SORL1: variants seen among roughly 807,000 people sequenced by gnomAD.
The protein encoded by SORL1 is sortilin-related receptor.
Under a neutral mutation model 273.7 loss-of-function variants are expected in SORL1, and 127 were observed. That is an observed-to-expected ratio of 0.46 (90% CI 0.40 to 0.54). The LOEUF (loss-of-function observed/expected upper bound fraction) is 0.54. Among genes scored for constraint, SORL1 ranks in the 20% least tolerant of loss-of-function variants. The pLI is 0.00. For synonymous variants in SORL1, 1,031 were observed against 1,067.4 expected, an observed-to-expected ratio of 0.97 and a Z score of 0.66; for missense variants, 2,494 against 2,846.1, an observed-to-expected ratio of 0.88 and a Z score of 2.81.
chr11:121,499,168 C>T lies in SORL1; in HGVS notation c.939+2119C>T, dbSNP rs377544887. Among the ~76,000 whole-genome samples the T allele has an allele frequency of 6.2e-4, 95 of 152,238 alleles. 1 individual carries two copies. Among genetic ancestry groups the T allele is most frequent in the African/African-American group, 2.1e-3 (86 of 41,546 alleles). ...CAATTTTTAGAAATTTGGTGGGAGACGTATTAAATTTTTGGTACTTTTATA... is the reference window on the plus strand; with the variant it reads ...CAATTTTTAGAAATTTGGTGGGAGATGTATTAAATTTTTGGTACTTTTATA... On this transcript the variant is annotated intron_variant, in intron 6 of 47. Transcript: ENST00000260197.
intron 11 of SORL1, among the ~76,000 whole-genome samples, chr11:121,527,102 G>A (rs1301848616): frequency 1.3e-5 from 2 of 152,040 alleles, no homozygotes; most frequent in Non-Finnish European, 2.9e-5. Flanking sequence ...CTCTCTGGGG[G>A]AAACAATTCA....
intron 22 of SORL1, among the ~76,000 whole-genome samples, chr11:121,568,040 A>G (rs909194214): frequency 6.6e-6 from 1 of 152,212 alleles, no homozygotes; most frequent in Non-Finnish European, 1.5e-5. Flanking sequence ...AGCTAGGACT[A>G]CAGGCACGAG....
At chr11:121,499,279 A>G (rs144669960) in intron 6 of SORL1, among the ~76,000 whole-genome samples, 148 of 152,306 alleles carry the variant, frequency 9.7e-4, no homozygotes, top group Admixed American at 5.9e-4. Context: ...CTCCTTCTGC[A>G]CATGGATGAG....
chr11:121,475,505 T>TC (rs1861251150), intron 2 of SORL1, among the ~76,000 whole-genome samples: 1 of 152,198 alleles, frequency 6.6e-6, no homozygotes, highest in South Asian at 2.1e-4. Context: ...TGGTTTTACC[T>TC]CCATGTGCAC....
At chr11:121,504,850 T>C (rs1861763919) in intron 6 of SORL1, among the ~76,000 whole-genome samples, 1 of 152,184 alleles carries the variant, frequency 6.6e-6, no homozygotes, top group Admixed American at 6.5e-5. Flanking sequence ...CTTTATCAAT[T>C]TGAGGAAGGT....
chr11:121,575,038 C>T (rs893988522), intron 24 of SORL1, among the ~76,000 whole-genome samples: 1 of 152,078 alleles, frequency 6.6e-6, no homozygotes, highest in African/African-American at 2.4e-5. Flanking sequence ...CATCTGTTTT[C>T]TGAATGGACA....
chr11:121,528,866 A>C (rs531561095), intron 11 of SORL1, among the ~76,000 whole-genome samples: 1 of 152,184 alleles, frequency 6.6e-6, no homozygotes, highest in Non-Finnish European at 1.5e-5. Context: ...TGTTCTGTAG[A>C]TATTATTTAT....
At position 121,543,664 on chromosome 11, in the gene SORL1, G is replaced by T. The variant is rs1043967805; in HGVS notation, c.1802G>T (p.Gly601Val). 6.2e-7 allele frequency: 1 copy of T among 1,614,132 alleles called. No individual in the cohort carries two copies. Among genetic ancestry groups the T allele is most frequent in the South Asian group, 1.1e-5 (1 of 91,078 alleles). Reference protein sequence around the residue: ...GEKSTVFTIFGSNKENVHSWL... With the variant: ...GEKSTVFTIFVSNKENVHSWL... ...AAGAGCACTGTCTTCACCATCTTTG[G>T]CTCGAACAAAGAGAATGTCCACAGC... The change falls in exon 13 of 48, where the codon GGC (glycine) becomes GTC (valine). Residue 601 changes from glycine (G) to valine (V), a missense_variant. Transcript: ENST00000260197.
intron 22 of SORL1, 80 bp from the exon 23 acceptor site, chr11:121,570,077 C>A: frequency 5.6e-6 from 5 of 885,772 alleles, no homozygotes; most frequent in Non-Finnish European, 8.8e-6. Context: ...GGGAGGGAAA[C>A]TCAAAAGAGA....
At chr11:121,544,577 T>C (rs1862395580) in intron 13 of SORL1, among the ~76,000 whole-genome samples, 1 of 152,218 alleles carries the variant, frequency 6.6e-6, no homozygotes, top group South Asian at 2.1e-4. Context: ...TTGCATGGCA[T>C]TGAGTCAAAG....
chr11:121,590,916 C>A, intron 30 of SORL1, 85 bp from the exon 31 acceptor site: 2 of 1,481,350 alleles, frequency 1.4e-6, no homozygotes, highest in Non-Finnish European at 1.9e-6. Context: ...AAAACTGGGA[C>A]ATCCGCACTA....
chr11:121,590,048 A>G lies in SORL1; in HGVS notation c.4087A>G (p.Thr1363Ala). ...YSDEANCENP[T>A]EAPNCSRYFQ... ...GTGGTTGATCTCTGCAGAAAACCCC[A>G]CAGAAGCCCCAAACTGCTCCCGCTA... is the stretch of plus-strand genomic sequence containing the variant. Residue 1363 changes from threonine (T) to alanine (A), a missense_variant, in exon 30 of 48, where the codon ACA (threonine) becomes GCA (alanine). Physicochemically the swap from Thr to Ala is moderately conservative, Grantham distance 58. Around this residue, in one of 3 missense-constraint regions of SORL1, gnomAD observed 1,609 missense variants for 1,816.4 expected, o/e 0.89. Transcript: ENST00000260197. 6.2e-7 allele frequency: 1 copy of G among 1,614,050 alleles called. No homozygotes were observed. The highest frequency in any genetic ancestry group is 1.1e-5 in the South Asian group (1 of 91,066).
At chr11:121,575,942 G>A (rs1358904274) in intron 24 of SORL1, among the ~76,000 whole-genome samples, 1 of 152,120 alleles carries the variant, frequency 6.6e-6, no homozygotes, top group South Asian at 2.1e-4. Flanking sequence ...TTCATCCCAG[G>A]GTCCCGGTTA....
intron 32 of SORL1, among the ~76,000 whole-genome samples, chr11:121,597,290 G>T (rs975266694): frequency 2.0e-5 from 3 of 152,216 alleles, no homozygotes; most frequent in African/African-American, 4.8e-5. Context: ...TAAGAGGAAG[G>T]AGTGTGGATC....
intron 32 of SORL1, among the ~76,000 whole-genome samples, chr11:121,599,631 A>T (rs1170394338): frequency 1.3e-5 from 2 of 152,110 alleles, no homozygotes; most frequent in African/African-American, 4.8e-5. Context: ...TCTCTTTCTC[A>T]TTTCTTTGTC....
Position 121,452,605 on chromosome 11 carries a change from G to T in SORL1, c.274G>T (p.Val92Leu). 6.6e-7 allele frequency: 1 copy of T among 1,507,528 alleles called. No homozygotes were observed. Among genetic ancestry groups the T allele is most frequent in the Non-Finnish European group, 8.8e-7 (1 of 1,134,948 alleles). The allele number at this position is 1,507,528 out of a possible 1,614,324, so 93.4% of individuals were successfully genotyped here. A position where few individuals can be genotyped will look rare whatever the true frequency, so the allele number is the denominator to read the frequency against. ...SAALQPEPIK[V>L]YGQVSLNDSH... Reference sequence around the variant, plus strand: ...TGCCCTGCAGCCCGAGCCCATCAAGGTGTACGGACAGGTGAGCAGTTTTGC... The same window carrying T: ...TGCCCTGCAGCCCGAGCCCATCAAGTTGTACGGACAGGTGAGCAGTTTTGC... Residue 92 changes from valine to leucine, a missense_variant, in exon 1 of 48, where the codon GTG (valine) becomes TTG (leucine). Around this residue, in one of 3 missense-constraint regions of SORL1, gnomAD observed 175 missense variants for 147.1 expected, o/e 1.19. Coordinates refer to ENST00000260197, the MANE Select transcript of SORL1 (RefSeq NM_003105.6). This position sits in a 1 kb window ranked among gnomAD's most constrained non-coding sequence, Gnocchi z 5.3.
chr11:121,485,414 G>T (rs1046862776), intron 3 of SORL1, among the ~76,000 whole-genome samples: 2 of 152,156 alleles, frequency 1.3e-5, no homozygotes, highest in Admixed American at 1.3e-4. Context: ...GTCACCTTGG[G>T]CAGTAAACTA....
At chr11:121,570,325 G>A in intron 23 of SORL1, 55 bp downstream of exon 23, 1 of 1,389,980 alleles carries the variant, frequency 7.2e-7, no homozygotes, top group South Asian at 1.2e-5. Context: ...AGCCTGGTTG[G>A]CTCTTCCCAG....
At chr11:121,542,047 C>T (rs1862356328) in intron 12 of SORL1, among the ~76,000 whole-genome samples, 1 of 152,190 alleles carries the variant, frequency 6.6e-6, no homozygotes, top group Non-Finnish European at 1.5e-5. Flanking sequence ...TGCCGGTTTG[C>T]TCTACTTCTA....
Sources: allele counts gnomAD v4.1 joint callset (sites outside exome capture counted in the v4.1 genomes callset), GRCh38; gene constraint gnomAD v4.1.1; regional missense constraint gnomAD v4.1.1; non-coding constraint Gnocchi (gnomAD v3.1); transcripts MANE v1.5; gene names NCBI Gene and HGNC (gene_info 2026-07-23, HGNC 2026-07-21).